Variants in VWA8 observed in about 807,000 individuals in gnomAD.
The protein encoded by VWA8 is von Willebrand factor A domain containing 8.
Under a neutral mutation model 241.5 loss-of-function variants are expected in VWA8, and 221 were observed. That is an observed-to-expected ratio of 0.91 (90% CI 0.82 to 1.02). The LOEUF is 1.02. Ranked by LOEUF, VWA8 falls within the 50% of genes least tolerant of loss-of-function variation. The pLI, the probability that VWA8 is intolerant of heterozygous loss-of-function variation, is 0.00. For synonymous variants in VWA8, 852 were observed against 827.1 expected (o/e 1.03, Z -0.52); for missense variants, 2,322 against 2,328.7 (o/e 1.00, Z 0.06).
At chr13:41,767,057 T>G (rs928226770) in intron 20 of VWA8, among the ~76,000 whole-genome samples, 1 of 152,198 alleles carries the variant, frequency 6.6e-6, no homozygotes, top group Non-Finnish European at 1.5e-5. Flanking sequence ...TTCTTGCATG[T>G]TCTCTGAAAC....
intron 2 of VWA8, chr13:41,927,398 G>T: frequency 2.1e-6 from 1 of 484,360 alleles, no homozygotes; most frequent in South Asian, 1.6e-5. Context: ...TTGCACATCT[G>T]CAAAAGATCA....
intron 22 of VWA8, 83 bp downstream of exon 22, chr13:41,731,997 T>G: frequency 1.1e-4 from 127 of 1,179,540 alleles, no homozygotes; most frequent in Non-Finnish European, 1.4e-4. Context: ...ACGTAATCCA[T>G]GAGAGTTCCA....
chr13:41,772,776 T>A (rs377505084), intron 20 of VWA8, among the ~76,000 whole-genome samples: 30 of 152,344 alleles, frequency 2.0e-4, no homozygotes, highest in African/African-American at 6.3e-4. Context: ...AAGTGGTGCT[T>A]GTATTTAGCT....
chr13:41,869,313 G>T (rs530343657), intron 9 of VWA8, among the ~76,000 whole-genome samples: 1 of 152,062 alleles, frequency 6.6e-6, no homozygotes, highest in South Asian at 2.1e-4. Flanking sequence ...CACTATAGGG[G>T]TCTCAATATT....
intron 24 of VWA8, among the ~76,000 whole-genome samples, chr13:41,726,107 A>G (rs1240321484): frequency 2.0e-5 from 3 of 152,274 alleles, no homozygotes; most frequent in Middle Eastern, 3.4e-3. Flanking sequence ...TTATTGTTTC[A>G]ATTACTATTT....
intron 2 of VWA8, among the ~76,000 whole-genome samples, chr13:41,942,697 A>C (rs1877658576): frequency 6.6e-6 from 1 of 152,144 alleles, no homozygotes. Flanking sequence ...ATTCCTCCTG[A>C]AGCATGCTGG....
intron 2 of VWA8, among the ~76,000 whole-genome samples, chr13:41,919,738 C>G (rs1213563621): frequency 6.6e-6 from 1 of 152,132 alleles, no homozygotes; most frequent in Non-Finnish European, 1.5e-5. Flanking sequence ...CACACCCATG[C>G]AACATCCTAT....
chr13:41,747,729 C>T (rs556971615), intron 21 of VWA8, among the ~76,000 whole-genome samples: 252 of 152,118 alleles, frequency 1.7e-3, no homozygotes, highest in Admixed American at 2.7e-3. Context: ...ATATTGGCTG[C>T]GGGTTTGTCA....
chr13:41,637,071 A>G (rs1336236631), intron 37 of VWA8, among the ~76,000 whole-genome samples: 1 of 151,164 alleles, frequency 6.6e-6, no homozygotes, highest in Non-Finnish European at 1.5e-5. Context: ...CTGGGTATAT[A>G]CCCAAAGGAC....
rs1412539784 is a variant in VWA8 at position 41,566,906 on chromosome 13, G to GTAT, written c.*1288_*1290dup. On this transcript the variant is annotated 3_prime_UTR_variant, in exon 45 of 45. Transcript: ENST00000379310. The stretch of plus-strand genomic sequence containing the variant: ...GGGAGAGGGGTGATAGAACAAATGG[G>GTAT]TATTATCTTTTCTTCTTTCCTATAA... 1.2e-4 allele frequency: 19 copies of GTAT among 152,122 alleles called. No homozygotes were observed. Among genetic ancestry groups the GTAT allele is most frequent in the Non-Finnish European group, 2.1e-4 (14 of 67,988 alleles). The allele number at this position is 152,122 out of a possible 1,614,324, so 9.4% of individuals were successfully genotyped here.
chr13:41,733,311 C>T (rs1202268759), intron 21 of VWA8, among the ~76,000 whole-genome samples: 10 of 152,090 alleles, frequency 6.6e-5, no homozygotes, highest in African/African-American at 2.4e-4. Flanking sequence ...TAATAAAAAT[C>T]AGCTAATTGC....
At chr13:41,949,881 T>C in intron 2 of VWA8, 55 bp downstream of exon 2, 1 of 1,097,190 alleles carries the variant, frequency 9.1e-7, no homozygotes, top group Non-Finnish European at 1.3e-6. Flanking sequence ...CTTTGAAAAT[T>C]CCTATAATGA....
intron 20 of VWA8, among the ~76,000 whole-genome samples, chr13:41,769,396 G>C (rs934842325): frequency 6.6e-6 from 1 of 152,188 alleles, no homozygotes; most frequent in African/African-American, 2.4e-5. Context: ...AAAGTGTTGG[G>C]AGAATAGATA....
At chr13:41,778,758 C>T (rs1264963138) in intron 19 of VWA8, among the ~76,000 whole-genome samples, 1 of 150,642 alleles carries the variant, frequency 6.6e-6, no homozygotes, top group Non-Finnish European at 1.5e-5. Context: ...AAGTTATTGA[C>T]GTTCCCTATT....
intron 13 of VWA8, among the ~76,000 whole-genome samples, chr13:41,831,232 T>C (rs951738510): frequency 1.3e-5 from 2 of 152,130 alleles, no homozygotes; most frequent in East Asian, 1.9e-4. Flanking sequence ...ATGCCCACAA[T>C]AGAGTTAGCC....
chr13:41,692,984 A>G lies in VWA8; in HGVS notation c.3565-12T>C. 6.4e-7 allele frequency: 1 copy of G among 1,571,682 alleles called. No homozygotes were observed. Among genetic ancestry groups the G allele is most frequent in the Non-Finnish European group, 8.7e-7 (1 of 1,153,532 alleles). ...AGGATAACATTACTCTGCAAATGAT[A>G]AAAACAGTGAAAAGCTCAAGATTTG... On this transcript the variant is annotated splice_polypyrimidine_tract_variant and intron_variant, in intron 29 of 44. Transcript: ENST00000379310.
chr13:41,670,302 C>A (rs529643229), intron 37 of VWA8, among the ~76,000 whole-genome samples: 1 of 151,384 alleles, frequency 6.6e-6, no homozygotes, highest in East Asian at 1.9e-4. Flanking sequence ...CTTCCTCATT[C>A]TTCAAATTAG....
intron 21 of VWA8, among the ~76,000 whole-genome samples, chr13:41,741,543 CACATG>C (rs2045569231): frequency 6.6e-6 from 1 of 152,276 alleles, no homozygotes; most frequent in African/African-American, 2.4e-5. Context: ...TTCAGTTGTT[CACATG>C]AGTATCTCCT....
At chr13:41,816,228 C>T (rs1238129246) in intron 16 of VWA8, among the ~76,000 whole-genome samples, 1 of 152,064 alleles carries the variant, frequency 6.6e-6, no homozygotes, top group Non-Finnish European at 1.5e-5. Context: ...GGTACTGTTC[C>T]CGTTCCCATT....
Sources: allele counts gnomAD v4.1 joint callset (sites outside exome capture counted in the v4.1 genomes callset), GRCh38; gene constraint gnomAD v4.1.1; transcripts MANE v1.5; gene names NCBI Gene and HGNC (gene_info 2026-07-23, HGNC 2026-07-21).